The following MEI4 variants were observed in gnomAD, a reference collection of about 807,000 sequenced individuals.
MEI4 encodes the protein meiosis-specific protein MEI4.
MEI4 carries 27 observed loss-of-function variants against 31.4 expected under a neutral mutation model. The ratio of observed to expected loss-of-function variants is 0.86; its 90% CI spans 0.63 to 1.19. The LOEUF is 1.19. Among genes scored for constraint, MEI4 ranks in the 50% most tolerant of loss-of-function variants. The probability of loss-of-function intolerance (pLI) is 0.00; values close to 1 mark genes in which losing one functional copy is unlikely to be tolerated. For synonymous variants in MEI4, 122 were observed against 145.4 expected, an observed-to-expected ratio of 0.84 and a Z score of 1.16; for missense variants, 329 against 398.9, an observed-to-expected ratio of 0.82 and a Z score of 1.49.
chr6:77,790,003 G>C (rs1274532182), intron 3 of MEI4, among the ~76,000 whole-genome samples: 4 of 151,954 alleles, frequency 2.6e-5, no homozygotes, highest in African/African-American at 4.8e-5. Flanking sequence ...TTGGAACCAA[G>C]CCAAATGTCC....
intron 4 of MEI4, among the ~76,000 whole-genome samples, chr6:77,853,124 C>T (rs1015471068): frequency 2.6e-5 from 4 of 151,954 alleles, no homozygotes; most frequent in Non-Finnish European, 2.9e-5. Flanking sequence ...CTTCAACCCG[C>T]GAGGTGGAGG....
In MEI4 at chr6:77,873,202, A is replaced by G. The variant is rs554711234; in HGVS notation, c.900+44140A>G. ...CACTGACTTCCACAATGGTTGAACT[A>G]GTTTACAGTCCCACCAACAGTGTAA... is the stretch of plus-strand genomic sequence containing the variant. On this transcript the variant is annotated intron_variant, in intron 4 of 4. Transcript: ENST00000684080. Among the ~76,000 whole-genome samples the G allele has an allele frequency of 9.5e-3, 1,454 of 152,322 alleles. 17 individuals are homozygous for G. Among genetic ancestry groups the G allele is most frequent in the African/African-American group, 0.033 (1,352 of 41,560 alleles).
chr6:77,701,142 CTCT>C (rs1766213437), intron 2 of MEI4, among the ~76,000 whole-genome samples: 1 of 151,930 alleles, frequency 6.6e-6, no homozygotes, highest in Non-Finnish European at 1.5e-5. Context: ...TTTATAGAAT[CTCT>C]TTTTAAATTT....
chr6:77,868,527 A>ATATATATATATATG (rs1443166431), intron 4 of MEI4, among the ~76,000 whole-genome samples: 5 of 141,048 alleles, frequency 3.5e-5, no homozygotes, highest in African/African-American at 1.0e-4. Context: ...ATATATATAT[A>ATATATATATATATG]TGCAGATTTC....
intron 2 of MEI4, among the ~76,000 whole-genome samples, chr6:77,695,192 A>C (rs886158031): frequency 6.6e-6 from 1 of 151,644 alleles, no homozygotes; most frequent in Non-Finnish European, 1.5e-5. Flanking sequence ...GGTTGCAAAA[A>C]TTTTCTCCCA....
chr6:77,748,385 G>A (rs1238157140), intron 2 of MEI4, among the ~76,000 whole-genome samples: 1 of 152,218 alleles, frequency 6.6e-6, no homozygotes, highest in Non-Finnish European at 1.5e-5. Context: ...AACACCATGT[G>A]GAAGCTGCTT....
At chr6:77,752,186 G>A (rs1389395873) in intron 2 of MEI4, among the ~76,000 whole-genome samples, 2 of 152,118 alleles carry the variant, frequency 1.3e-5, no homozygotes, top group African/African-American at 4.8e-5. Flanking sequence ...AAAACTAGAG[G>A]CATTCCCTTT....
At chr6:77,759,658 T>C (rs1437208601) in intron 2 of MEI4, among the ~76,000 whole-genome samples, 2 of 152,220 alleles carry the variant, frequency 1.3e-5, no homozygotes, top group Non-Finnish European at 2.9e-5. Flanking sequence ...GTCAGTAAGC[T>C]GGTCTCCAGA....
intron 3 of MEI4, among the ~76,000 whole-genome samples, chr6:77,779,240 G>C (rs1768532801): frequency 6.6e-6 from 1 of 152,196 alleles, no homozygotes; most frequent in Non-Finnish European, 1.5e-5. Context: ...TATTGTCATG[G>C]AAACCAATAG....
chr6:77,907,664 G>A (rs1766329579), intron 4 of MEI4, among the ~76,000 whole-genome samples: 1 of 152,100 alleles, frequency 6.6e-6, no homozygotes, highest in Admixed American at 6.6e-5. Flanking sequence ...GTAATGGGAT[G>A]GCTGGGTCAA....
At chr6:77,758,078 C>T (rs973688990) in intron 2 of MEI4, among the ~76,000 whole-genome samples, 3 of 151,084 alleles carry the variant, frequency 2.0e-5, no homozygotes, top group Non-Finnish European at 4.4e-5. Context: ...ATCACTTGAA[C>T]CCAGGAGGTG....
At position 77,755,956 on chromosome 6, in the gene MEI4, T is replaced by C. The variant is rs145593806; in HGVS notation, c.233-5174T>C. Among the ~76,000 whole-genome samples, 213 of 152,144 alleles carry C rather than the reference T, an allele frequency of 1.4e-3. 1 individual carries two copies. The highest frequency in any genetic ancestry group is 4.5e-3 in the African/African-American group (187 of 41,512). The stretch of plus-strand genomic sequence containing the variant: ...CACAATAATAAATGAAGGCAGAAAC[T>C]TTATTTGACTTTTGCTTTACCTTAG... On this transcript the variant is annotated intron_variant, in intron 2 of 4. Transcript: ENST00000684080.
chr6:77,783,381 A>G (rs1043547314), intron 3 of MEI4, among the ~76,000 whole-genome samples: 1 of 152,212 alleles, frequency 6.6e-6, no homozygotes, highest in Admixed American at 6.5e-5. Context: ...GAGGTGTTCA[A>G]TTTTATTTCC....
chr6:77,880,048 C>T (rs1771441178), intron 4 of MEI4, among the ~76,000 whole-genome samples: 1 of 152,134 alleles, frequency 6.6e-6, no homozygotes, highest in Admixed American at 6.5e-5. Context: ...TACATGCAGA[C>T]AGAAATAACT....
intron 4 of MEI4, among the ~76,000 whole-genome samples, chr6:77,921,097 C>T (rs1208355237): frequency 6.6e-6 from 1 of 151,826 alleles, no homozygotes; most frequent in East Asian, 1.9e-4. Context: ...TACAAAATTC[C>T]TAGACGGCAT....
chr6:77,678,194 G>A (rs1361254706), intron 1 of MEI4, among the ~76,000 whole-genome samples: 4 of 152,132 alleles, frequency 2.6e-5, no homozygotes, highest in Admixed American at 6.5e-5. Context: ...TGACAAAAAA[G>A]ACTCTAGAAA....
chr6:77,901,196 T>C (rs1766180760), intron 4 of MEI4, among the ~76,000 whole-genome samples: 2 of 152,022 alleles, frequency 1.3e-5, no homozygotes, highest in African/African-American at 4.8e-5. Flanking sequence ...GATATTTCTT[T>C]GACATAATGA....
intron 3 of MEI4, among the ~76,000 whole-genome samples, chr6:77,824,460 A>C (rs1051592222): frequency 1.2e-4 from 18 of 152,260 alleles, no homozygotes; most frequent in African/African-American, 4.1e-4. Context: ...GTTTGAGATT[A>C]AACTTTCTTA....
At chr6:77,666,889 G>GCA (rs1768648265) in intron 1 of MEI4, among the ~76,000 whole-genome samples, 2 of 151,540 alleles carry the variant, frequency 1.3e-5, no homozygotes, top group Non-Finnish European at 2.9e-5. Context: ...GTGTGCGTGC[G>GCA]TGCGTGCGTG....
Sources: gnomAD v4.1 joint callset for allele counts (sites outside exome capture counted in the v4.1 genomes callset) on GRCh38, gnomAD v4.1.1 for gene constraint, MANE v1.5 for transcripts, NCBI Gene and HGNC (gene_info 2026-07-23, HGNC 2026-07-21) for gene names.